CHD9: variants seen among roughly 807,000 people sequenced by gnomAD.
The protein encoded by CHD9 is chromodomain helicase DNA binding protein 9, also known as ATP-dependent chromatin remodeler CHD9.
In CHD9, 77 loss-of-function variants were observed where a neutral mutation model predicts 316.1. The observed-to-expected ratio is 0.24, with a 90% CI of 0.20 to 0.29. The LOEUF (loss-of-function observed/expected upper bound fraction) is 0.29, where lower values mean the gene tolerates loss of function less well. CHD9 is among the 10% of genes least tolerant of loss of function. The pLI is 1.00. For synonymous variants in CHD9, 1,129 were observed against 1,158.3 expected, an observed-to-expected ratio of 0.97 and a Z score of 0.51; for missense variants, 2,763 against 3,438.1, an observed-to-expected ratio of 0.80 and a Z score of 4.91.
intron 1 of CHD9, chr16:53,131,179 C>A: frequency 6.7e-6 from 1 of 149,642 alleles, no homozygotes; most frequent in South Asian, 1.9e-4. Flanking sequence ...CGGGTCGTGT[C>A]AGACGGGTGG....
chr16:53,135,465 A>G (rs1335473347), intron 1 of CHD9, among the ~76,000 whole-genome samples: 1 of 152,194 alleles, frequency 6.6e-6, no homozygotes, highest in East Asian at 1.9e-4. Flanking sequence ...CATATATTTT[A>G]GAGAGGAGAT....
chr16:53,255,789 G>A lies in CHD9; in HGVS notation c.4209+10G>A, dbSNP rs749136699. ...GTCAACATTTGCCAAGGTAATAGTG[G>A]GTGCAATTTTATTAACATAGCAGTG... On this transcript the variant is annotated intron_variant, in intron 19 of 38. Transcript: ENST00000447540. 19 of 1,611,182 alleles carry A rather than the reference G, an allele frequency of 1.2e-5. 1 individual carries two copies. In the South Asian group the frequency reaches 2.0e-4, roughly 17 times the overall value.
chr16:53,128,326 G>T (rs1203733566), intron 1 of CHD9, among the ~76,000 whole-genome samples: 1 of 152,210 alleles, frequency 6.6e-6, no homozygotes, highest in Non-Finnish European at 1.5e-5. Flanking sequence ...GGGATTACAG[G>T]CATGCGCCAC....
chr16:53,297,499 A>G (rs2054910103), intron 30 of CHD9, among the ~76,000 whole-genome samples: 1 of 152,224 alleles, frequency 6.6e-6, no homozygotes. Context: ...GAATTGTGCT[A>G]GAGGGTTTAT....
chr16:53,080,774 T>C (rs1264014011), intron 1 of CHD9, among the ~76,000 whole-genome samples: 2 of 152,252 alleles, frequency 1.3e-5, no homozygotes, highest in Non-Finnish European at 2.9e-5. Context: ...CCCCTCTCCC[T>C]TTCTACTCCT....
intron 30 of CHD9, chr16:53,299,151 G>T (rs1234350691): frequency 5.8e-6 from 1 of 171,992 alleles, no homozygotes; most frequent in Non-Finnish European, 1.3e-5. Flanking sequence ...GCAGGTATTG[G>T]TATGGCCAAT....
intron 1 of CHD9, among the ~76,000 whole-genome samples, chr16:53,090,682 C>T (rs897961468): frequency 2.0e-5 from 3 of 152,148 alleles, no homozygotes; most frequent in African/African-American, 4.8e-5. Flanking sequence ...GCTTGTGTAT[C>T]GCTCTTTCTC....
At chr16:53,235,508 A>G (rs1226427183) in intron 11 of CHD9, among the ~76,000 whole-genome samples, 2 of 152,170 alleles carry the variant, frequency 1.3e-5, no homozygotes, top group African/African-American at 4.8e-5. Context: ...CAATCAGAAT[A>G]GAAGAAAGTT....
chr16:53,285,022 C>T (rs2053746365), intron 24 of CHD9, among the ~76,000 whole-genome samples: 4 of 152,144 alleles, frequency 2.6e-5, no homozygotes, highest in South Asian at 2.1e-4. Context: ...CCGCCTCTGC[C>T]CCCTAAAGTG....
At chr16:53,322,345 C>A (rs1341207858) in intron 38 of CHD9, among the ~76,000 whole-genome samples, 1 of 151,528 alleles carries the variant, frequency 6.6e-6, no homozygotes, top group Admixed American at 6.6e-5. Context: ...CAGTGGCTCA[C>A]CCCTGTAATC....
chr16:53,097,619 T>C (rs2036494322), intron 1 of CHD9, among the ~76,000 whole-genome samples: 1 of 152,198 alleles, frequency 6.6e-6, no homozygotes, highest in Non-Finnish European at 1.5e-5. Flanking sequence ...CTTAGTTTTG[T>C]CTGTATCTTT....
chr16:53,061,902 A>G (rs570306484), intron 1 of CHD9, among the ~76,000 whole-genome samples: 139 of 152,336 alleles, frequency 9.1e-4, no homozygotes, highest in African/African-American at 3.1e-3. Flanking sequence ...CTCATACCAC[A>G]AGGGGTCTTG....
At chr16:53,146,413 GTGTATGTATA>G (rs2040591017) in intron 1 of CHD9, among the ~76,000 whole-genome samples, 3 of 24,480 alleles carry the variant, frequency 1.2e-4, no homozygotes, top group African/African-American at 5.2e-4. Context: ...TTGTGTGTGT[GTGTATGTATA>G]TATATATATA....
chr16:53,303,706 G>A lies in CHD9; in HGVS notation c.5714-14G>A. On this transcript the variant is annotated splice_polypyrimidine_tract_variant and intron_variant, in intron 30 of 38. Transcript: ENST00000447540. ...TTTTGAGATTAATATTTTTGTCCTT[G>A]TTTCAATATGTAGAATTGGTGGATC... 1 of 1,541,040 alleles carries A rather than the reference G, an allele frequency of 6.5e-7. No homozygotes were observed. Among genetic ancestry groups the A allele is most frequent in the Non-Finnish European group, 8.7e-7 (1 of 1,146,218 alleles).
At position 53,222,816 on chromosome 16, in the gene CHD9, A is replaced by G. The variant is rs931919258; in HGVS notation, c.1896+61A>G. 2.8e-5 allele frequency: 22 copies of G among 779,966 alleles called. No individual in the cohort carries two copies. The African/African-American group carries it at 3.5e-4, about 12-fold the overall frequency. 48.3% of individuals were successfully genotyped at this position (779,966 alleles called of 1,614,324 possible). A position where few individuals can be genotyped will look rare whatever the true frequency, so the allele number is the denominator to read the frequency against. On this transcript the variant is annotated intron_variant, in intron 4 of 38. Transcript: ENST00000447540. ...GTTAGAATGATTTAGTTAGCATAAT[A>G]TTGCCTTATAGATATTTACACTTTA... is the stretch of plus-strand genomic sequence containing the variant.
At chr16:53,068,911 A>G (rs1596867047) in intron 1 of CHD9, among the ~76,000 whole-genome samples, 1 of 152,220 alleles carries the variant, frequency 6.6e-6, no homozygotes, top group South Asian at 2.1e-4. Flanking sequence ...CCACTATTTT[A>G]TATATATCCA....
At chr16:53,264,388 T>C (rs2051450267) in intron 20 of CHD9, among the ~76,000 whole-genome samples, 1 of 152,066 alleles carries the variant, frequency 6.6e-6, no homozygotes, top group African/African-American at 2.4e-5. Context: ...AAATTTTCTA[T>C]ATGGGAGCAA....
At chr16:53,292,312 A>G (rs1329093564) in intron 28 of CHD9, among the ~76,000 whole-genome samples, 1 of 152,216 alleles carries the variant, frequency 6.6e-6, no homozygotes, top group East Asian at 1.9e-4. Flanking sequence ...TATGGTATAG[A>G]TAATTATAGT....
intron 2 of CHD9, among the ~76,000 whole-genome samples, chr16:53,181,130 C>T (rs1438534870): frequency 6.6e-6 from 1 of 151,930 alleles, no homozygotes; most frequent in Non-Finnish European, 1.5e-5. Context: ...CCTGCCTCAG[C>T]CTCCCGAGTA....
Sources: allele counts gnomAD v4.1 joint callset (sites outside exome capture counted in the v4.1 genomes callset), GRCh38; gene constraint gnomAD v4.1.1; transcripts MANE v1.5; gene names NCBI Gene and HGNC (gene_info 2026-07-23, HGNC 2026-07-21).